Variants in PARD3 observed in about 807,000 individuals in gnomAD.
PARD3 encodes the protein partitioning defective 3 homolog.
Under a neutral mutation model 155.4 loss-of-function variants are expected in PARD3, and 75 were observed. That is an observed-to-expected ratio of 0.48 (90% confidence interval 0.40 to 0.58). The LOEUF (loss-of-function observed/expected upper bound fraction) is 0.58, where lower values mean the gene tolerates loss of function less well. PARD3 is among the 20% of genes least tolerant of loss of function. The probability of loss-of-function intolerance (pLI) is 0.00; values close to 1 mark genes in which losing one functional copy is unlikely to be tolerated. For synonymous variants in PARD3, 576 were observed against 610.5 expected (o/e 0.94, Z 0.83); for missense variants, 1,642 against 1,721.7 (o/e 0.95, Z 0.82).
At chr10:34,564,056 C>A (rs545539248) in intron 2 of PARD3, among the ~76,000 whole-genome samples, 5 of 152,084 alleles carry the variant, frequency 3.3e-5, no homozygotes, top group Non-Finnish European at 7.3e-5. Flanking sequence ...AAAGCATAAA[C>A]CTTTGGAGGA....
rs141935931 is a variant in PARD3, at chr10:34,297,406, A to T, written c.3066-13161T>A. On this transcript the variant is annotated intron_variant, in intron 20 of 24. Transcript: ENST00000374788. ...GGCACTATTAAATTATAATAAAACT[A>T]CTGTATAAAAAATAGTAATAGCAAA... 1.2e-3 allele frequency among the ~76,000 whole-genome samples: 190 copies of T among 152,362 alleles called. 1 individual carries two copies. Among genetic ancestry groups the T allele is most frequent in the African/African-American group, 4.3e-3 (180 of 41,596 alleles).
At chr10:34,164,563 T>C (rs1349828461) in intron 22 of PARD3, among the ~76,000 whole-genome samples, 1 of 152,194 alleles carries the variant, frequency 6.6e-6, no homozygotes. Flanking sequence ...GACAACAGAA[T>C]TGTGATCATA....
intron 2 of PARD3, among the ~76,000 whole-genome samples, chr10:34,586,557 C>T (rs1490872782): frequency 6.6e-6 from 1 of 152,166 alleles, no homozygotes; most frequent in African/African-American, 2.4e-5. Context: ...AAAAAATATA[C>T]TCTGACAGCC....
At chr10:34,526,912 T>C (rs1410292794) in intron 2 of PARD3, among the ~76,000 whole-genome samples, 1 of 152,204 alleles carries the variant, frequency 6.6e-6, no homozygotes, top group Non-Finnish European at 1.5e-5. Context: ...TGGGCTTCCT[T>C]AACGCATCAC....
In PARD3 at chr10:34,463,653, G is replaced by A. The variant is rs138356041; in HGVS notation, c.582+6432C>T. Among the ~76,000 whole-genome samples the A allele has an allele frequency of 6.6e-5, 10 of 152,154 alleles. No homozygotes were observed. The East Asian group carries it at 1.9e-3, about 29-fold the overall frequency. On this transcript the variant is annotated intron_variant, in intron 4 of 24. Coordinates refer to ENST00000374788, the MANE Select transcript of PARD3 (RefSeq NM_001184785.2). ...TGTCACAAACCCAAATACAGCAAAT[G>A]TACTAGATTCTAGTCTGCATTCGCT... is the stretch of plus-strand genomic sequence containing the variant.
chr10:34,768,444 G>C (rs1020429487), intron 1 of PARD3, among the ~76,000 whole-genome samples: 2 of 152,194 alleles, frequency 1.3e-5, no homozygotes, highest in Admixed American at 6.5e-5. Flanking sequence ...GGGGCTTCCA[G>C]GTCACAGGTA....
chr10:34,600,641 C>A (rs61841121), intron 2 of PARD3, among the ~76,000 whole-genome samples: 4,883 of 152,234 alleles, frequency 0.032, 108 homozygotes, highest in Non-Finnish European at 0.046. Context: ...AATCTGAAAA[C>A]AATTAGTCTG....
At chr10:34,321,381 C>A (rs1958364391) in intron 19 of PARD3, among the ~76,000 whole-genome samples, 1 of 152,034 alleles carries the variant, frequency 6.6e-6, no homozygotes, top group African/African-American at 2.4e-5. Flanking sequence ...ATATACATTT[C>A]TTGATTTTTT....
rs571947059 is a variant in PARD3, at chr10:34,261,916, A to T, written c.3419+7741T>A. Among the ~76,000 whole-genome samples the T allele has an allele frequency of 3.9e-5, 6 of 152,370 alleles. No individual in the cohort carries two copies. In the East Asian group the frequency reaches 9.6e-4, roughly 24 times the overall value. ...AGATGACCTTTTAAACAAAATGATT[A>T]TTTGATCATAGATGAACAATGGACA... On this transcript the variant is annotated intron_variant, in intron 22 of 24. Transcript: ENST00000374788.
At chr10:34,725,153 C>CTGTG (rs2094684170) in intron 1 of PARD3, among the ~76,000 whole-genome samples, 127 of 127,550 alleles carry the variant, frequency 1.0e-3, no homozygotes, top group African/African-American at 3.8e-3. Context: ...GTGTGTGTGA[C>CTGTG]AGAGAGAGAG....
chr10:34,558,136 T>C (rs4934511), intron 2 of PARD3, among the ~76,000 whole-genome samples: 55,342 of 151,822 alleles, frequency 0.36, 10,388 homozygotes, highest in South Asian at 0.45. Context: ...TGTTCTCACT[T>C]TGCATGTGGA....
chr10:34,680,101 T>A (rs937950665), intron 2 of PARD3, among the ~76,000 whole-genome samples: 1 of 151,988 alleles, frequency 6.6e-6, no homozygotes, highest in Non-Finnish European at 1.5e-5. Flanking sequence ...ATAAAAATTT[T>A]AAAGAAAATA....
At chr10:34,556,216 G>A (rs1038232141) in intron 2 of PARD3, among the ~76,000 whole-genome samples, 5 of 152,110 alleles carry the variant, frequency 3.3e-5, no homozygotes, top group Non-Finnish European at 7.3e-5. Context: ...TGAAGAACCC[G>A]GTAGTACCGT....
chr10:34,552,603 A>G (rs1387401618), intron 2 of PARD3, among the ~76,000 whole-genome samples: 1 of 152,188 alleles, frequency 6.6e-6, no homozygotes, highest in Non-Finnish European at 1.5e-5. Flanking sequence ...AATCTCAGCT[A>G]TTCAGGAGGC....
intron 5 of PARD3, among the ~76,000 whole-genome samples, chr10:34,444,242 G>A (rs565122452): frequency 1.3e-5 from 2 of 152,290 alleles, no homozygotes; most frequent in East Asian, 3.9e-4. Context: ...CTCCCAATTA[G>A]CTTATGTTTT....
chr10:34,480,328 T>C (rs1276498419), intron 3 of PARD3, among the ~76,000 whole-genome samples: 1 of 152,218 alleles, frequency 6.6e-6, no homozygotes, highest in Admixed American at 6.5e-5. Context: ...CTGGAACTCC[T>C]GGGCTTAGTG....
rs397846339 is a variant in PARD3 at position 34,687,846 on chromosome 10, C to CTTTTTTTTTTTTTTTTTT, written c.222+8454_222+8471dup. Among the ~76,000 whole-genome samples, 13 of 63,712 alleles carry CTTTTTTTTTTTTTTTTTT rather than the reference C, an allele frequency of 2.0e-4. 2 individuals are homozygous for CTTTTTTTTTTTTTTTTTT. The highest frequency in any genetic ancestry group is 6.5e-4 in the African/African-American group (9 of 13,808). 41.8% of individuals were successfully genotyped at this position (63,712 alleles called of 152,430 possible). Reference sequence around the variant, plus strand: ...ATGCCCGGTCAGTTACACCTGAAATCTTTTTTTTTTTTTTTTTTTTTTTTT... The same window carrying CTTTTTTTTTTTTTTTTTT: ...ATGCCCGGTCAGTTACACCTGAAATCTTTTTTTTTTTTTTTTTTTTTTTTTTTTTTTTTTTTTTTTTTT... On this transcript the variant is annotated intron_variant, in intron 2 of 24. Transcript: ENST00000374788.
intron 21 of PARD3, among the ~76,000 whole-genome samples, chr10:34,273,425 C>T (rs1955726403): frequency 2.0e-5 from 3 of 152,156 alleles, no homozygotes; most frequent in African/African-American, 7.2e-5. Context: ...ACTTATATAG[C>T]ATTCTCAAAA....
At chr10:34,811,903 C>T (rs1184388470) in intron 1 of PARD3, among the ~76,000 whole-genome samples, 1 of 152,164 alleles carries the variant, frequency 6.6e-6, no homozygotes, top group African/African-American at 2.4e-5. Flanking sequence ...AACGCGGTTC[C>T]CAATGTCTAG....
Sources: gnomAD v4.1 joint callset for allele counts (sites outside exome capture counted in the v4.1 genomes callset) on GRCh38, gnomAD v4.1.1 for gene constraint, MANE v1.5 for transcripts, NCBI Gene and HGNC (gene_info 2026-07-23, HGNC 2026-07-21) for gene names.